The following RBSN variants were observed in gnomAD, a reference collection of about 807,000 sequenced individuals.
RBSN encodes rabenosyn-5.
A neutral mutation model predicts 60.5 loss-of-function variants in RBSN; 34 were observed. The ratio of observed to expected loss-of-function variants is 0.56; its 90% CI spans 0.43 to 0.75. RBSN has a LOEUF of 0.75. Ranked by LOEUF, RBSN falls within the 30% of genes least tolerant of loss-of-function variation. The pLI is 0.00. For missense variants in RBSN, 845 were observed against 986.8 expected (o/e 0.86, Z 1.92); for synonymous variants, 322 against 366.9 (o/e 0.88, Z 1.40).
At chr3:15,083,544 C>T (rs866975124) in intron 8 of RBSN, among the ~76,000 whole-genome samples, 1 of 152,114 alleles carries the variant, frequency 6.6e-6, no homozygotes, top group African/African-American at 2.4e-5. Flanking sequence ...TCTATTTGCT[C>T]ATCTATTAAC....
chr3:15,075,623 T>G lies in RBSN; in HGVS notation c.1189A>C (p.Arg397=). ...KKRKEEMERK[R]AVERQAALES... Reference sequence around the variant, plus strand: ...TCACTCACTTGTCTCTCCACGGCCCTCTTCCTCTCCATTTCCTCCTTCCTT... The same window carrying G: ...TCACTCACTTGTCTCTCCACGGCCCGCTTCCTCTCCATTTCCTCCTTCCTT... The change falls in exon 13 of 14, where the codon AGG becomes CGG. Residue 397 remains arginine (R), a synonymous_variant. Coordinates refer to ENST00000253699, the MANE Select transcript of RBSN (RefSeq NM_022340.4). 6.2e-7 allele frequency: 1 copy of G among 1,614,150 alleles called. No individual in the cohort carries two copies.
Position 15,090,429 on chromosome 3 carries a change from C to T in RBSN, c.259G>A (p.Asp87Asn), listed in dbSNP as rs2043481041. Residue 87 changes from aspartate to asparagine, a missense_variant, in exon 5 of 14, where the codon GAT becomes AAT. By Grantham distance (23) the Asp-to-Asn change is conservative. Transcript: ENST00000253699. Reference protein sequence around the residue: ...GYESFSYGGVDPYMWEPQELG... With the variant: ...GYESFSYGGVNPYMWEPQELG... ...TCCTGGGGTTCCCACATGTAAGGAT[C>T]AACCCCTCCATAGCTGAAAGACTCA... The T allele has an allele frequency of 6.2e-7, 1 of 1,613,986 alleles. No homozygotes were observed. The highest frequency in any genetic ancestry group is 1.7e-5 in the Admixed American group (1 of 59,974).
At chr3:15,095,014 G>A (rs938056166) in intron 4 of RBSN, among the ~76,000 whole-genome samples, 4 of 151,954 alleles carry the variant, frequency 2.6e-5, no homozygotes, top group African/African-American at 7.3e-5. Context: ...CATCTTTGGC[G>A]TGTGTGTGTT....
rs1164247146 is a variant in RBSN at position 15,084,224 on chromosome 3, T to C, written c.598+511A>G. ...GCCTTCACCTCCCAGGTTCAAGCAA[T>C]TCTCCTGCCTCAGCCTCCTGAGTAG... On this transcript the variant is annotated intron_variant, in intron 8 of 13. Coordinates refer to ENST00000253699, the MANE Select transcript of RBSN (RefSeq NM_022340.4). This position sits in a 1 kb window ranked among gnomAD's most constrained non-coding sequence, Gnocchi z 4.2. Among the ~76,000 whole-genome samples the C allele has an allele frequency of 6.6e-6, 1 of 152,210 alleles. No homozygotes were observed. The highest frequency in any genetic ancestry group is 1.5e-5 in the Non-Finnish European group (1 of 68,034).
intron 5 of RBSN, among the ~76,000 whole-genome samples, chr3:15,088,109 T>C (rs1033752245): frequency 6.6e-6 from 1 of 152,234 alleles, no homozygotes. Context: ...ATCACCCTAG[T>C]AATCTCACAT....
intron 1 of RBSN, 105 bp from the exon 2 acceptor site, chr3:15,098,379 A>G (rs1053732918): frequency 5.6e-3 from 1 of 178 alleles, no homozygotes; most frequent in Non-Finnish European, 0.013. Context: ...GAAATCTAAC[A>G]CAACCACCGA....
At chr3:15,079,050 G>C (rs922102552) in intron 10 of RBSN, among the ~76,000 whole-genome samples, 4 of 151,848 alleles carry the variant, frequency 2.6e-5, no homozygotes, top group African/African-American at 9.7e-5. Context: ...TTAACTTCTA[G>C]GTTACAAACA....
chr3:15,097,022 G>A (rs1285547936), intron 2 of RBSN, among the ~76,000 whole-genome samples: 1 of 151,924 alleles, frequency 6.6e-6, no homozygotes, highest in Admixed American at 6.6e-5. Flanking sequence ...ACCACACCCA[G>A]CTAGTTTTTA....
rs571978529 is a variant in RBSN, at chr3:15,077,181, A to G, written c.999-17T>C. ...ATCTTCTTACTGAATTGGAACAAAC[A>G]CATGAATATAATGAGCACTGCCAGC... On this transcript the variant is annotated splice_polypyrimidine_tract_variant and intron_variant, in intron 11 of 13. Transcript: ENST00000253699. This position sits in a 1 kb window ranked among gnomAD's most constrained non-coding sequence, Gnocchi z 4.4. 2.1e-4 allele frequency: 332 copies of G among 1,603,252 alleles called. 3 individuals carry two copies. The South Asian group carries it at 3.2e-3, about 16-fold the overall frequency.
intron 6 of RBSN, among the ~76,000 whole-genome samples, 159 bp downstream of exon 6, chr3:15,085,702 G>C (rs553172717): frequency 1.5e-4 from 23 of 152,250 alleles, no homozygotes; most frequent in African/African-American, 5.1e-4. Flanking sequence ...GCCCAGGCTA[G>C]AACTGTCCAC....
At position 15,077,167 on chromosome 3, in the gene RBSN, G is replaced by T; in HGVS notation, c.999-3C>A. 6.2e-7 allele frequency: 1 copy of T among 1,612,592 alleles called. No individual in the cohort carries two copies. The highest frequency in any genetic ancestry group is 8.5e-7 in the Non-Finnish European group (1 of 1,178,684). ...AGCCCAAGGTTAAGATCTTCTTACT[G>T]AATTGGAACAAACACATGAATATAA... On this transcript the variant is annotated splice_polypyrimidine_tract_variant and splice_region_variant and intron_variant, in intron 11 of 13. Transcript: ENST00000253699. The surrounding 1 kb of genome is among the most constrained non-coding windows in gnomAD (Gnocchi z 4.4).
chr3:15,086,070 T>G, intron 5 of RBSN, 109 bp from the exon 6 acceptor site: 1 of 405,042 alleles, frequency 2.5e-6, no homozygotes, highest in Non-Finnish European at 4.2e-6. Flanking sequence ...TTGGTCAACA[T>G]AGCGAGACCC....
At chr3:15,096,914 C>T (rs1484775048) in intron 2 of RBSN, among the ~76,000 whole-genome samples, 1 of 152,012 alleles carries the variant, frequency 6.6e-6, no homozygotes, top group Non-Finnish European at 1.5e-5. Flanking sequence ...GCTCTGTCAC[C>T]CAGTGAGCTA....
At chr3:15,092,902 G>C (rs2043554043) in intron 4 of RBSN, among the ~76,000 whole-genome samples, 1 of 152,164 alleles carries the variant, frequency 6.6e-6, no homozygotes. Context: ...AATGTTCCCA[G>C]AAAGGACATA....
At chr3:15,094,879 T>G (rs2043610292) in intron 4 of RBSN, among the ~76,000 whole-genome samples, 1 of 152,220 alleles carries the variant, frequency 6.6e-6, no homozygotes, top group Non-Finnish European at 1.5e-5. Flanking sequence ...ATTCCTTTCT[T>G]TCTCTCCCAA....
At chr3:15,094,759 T>C (rs1046463241) in intron 4 of RBSN, among the ~76,000 whole-genome samples, 1 of 152,206 alleles carries the variant, frequency 6.6e-6, no homozygotes, top group African/African-American at 2.4e-5. Flanking sequence ...AACTCTTTTT[T>C]ACTGAACAGA....
At position 15,082,715 on chromosome 3, in the gene RBSN, G is replaced by T; in HGVS notation, c.599-107C>A. On this transcript the variant is annotated intron_variant, in intron 8 of 13. Coordinates refer to ENST00000253699, the MANE Select transcript of RBSN (RefSeq NM_022340.4). This position sits in a 1 kb window ranked among gnomAD's most constrained non-coding sequence, Gnocchi z 4.2. Reference sequence around the variant, plus strand: ...AGGTGTTTGATTTGGAGAGTAATAAGATCAGGCTCCAGCTGTGGGCACGTA... The same window carrying T: ...AGGTGTTTGATTTGGAGAGTAATAATATCAGGCTCCAGCTGTGGGCACGTA... 1.4e-6 allele frequency: 2 copies of T among 1,471,006 alleles called. No individual in the cohort carries two copies. Among genetic ancestry groups the T allele is most frequent in the African/African-American group, 2.8e-5 (2 of 71,914 alleles). 91.1% of individuals were successfully genotyped at this position (1,471,006 alleles called of 1,614,324 possible).
Position 15,073,990 on chromosome 3 carries a change from C to G in RBSN, c.2147G>C (p.Cys716Ser), listed in dbSNP as rs187236394. The change falls in exon 14 of 14, where the codon TGT (cysteine) becomes TCT (serine). Residue 716 changes from cysteine to serine, a missense_variant. Cys to Ser is a moderately radical substitution (Grantham distance 112). Coordinates refer to ENST00000253699, the MANE Select transcript of RBSN (RefSeq NM_022340.4). ...ACTGTCCATCTCAAAGGGGTTGATACAGGTGGGTTCCTCAAAGGGGTTACC... is the reference window on the plus strand; with the variant it reads ...ACTGTCCATCTCAAAGGGGTTGATAGAGGTGGGTTCCTCAAAGGGGTTACC... ...VPGNPFEEPTCINPFEMDSDS... is the reference protein window; with the variant it reads ...VPGNPFEEPTSINPFEMDSDS... 6.2e-7 allele frequency: 1 copy of G among 1,614,044 alleles called. No individual in the cohort carries two copies.
At position 15,084,955 on chromosome 3, in the gene RBSN, GA is replaced by G. The variant is rs760039322; in HGVS notation, c.436+44del. The G allele has an allele frequency of 3.7e-5, 60 of 1,613,450 alleles. No homozygotes were observed. The East Asian group carries it at 1.0e-3, about 27-fold the overall frequency. ...CATTTTAAAGAGAGCTTTGGTCAGG[GA>G]AAAAAAGATAATAAGATGAATGTGA... On this transcript the variant is annotated intron_variant, in intron 7 of 13. Transcript: ENST00000253699. This position sits in a 1 kb window ranked among gnomAD's most constrained non-coding sequence, Gnocchi z 4.2.
Sources: gnomAD v4.1 joint callset for allele counts (sites outside exome capture counted in the v4.1 genomes callset) on GRCh38, gnomAD v4.1.1 for gene constraint, Gnocchi (gnomAD v3.1) non-coding constraint, MANE v1.5 for transcripts, NCBI Gene and HGNC (gene_info 2026-07-23, HGNC 2026-07-21) for gene names.